The following TRPC1 variants were observed in gnomAD, a reference collection of about 807,000 sequenced individuals.
TRPC1 encodes short transient receptor potential channel 1.
TRPC1 carries 42 observed loss-of-function variants against 88.2 expected under a neutral mutation model. The ratio of observed to expected loss-of-function variants is 0.48; its 90% CI spans 0.37 to 0.62. The LOEUF is 0.62. TRPC1 is among the 20% of genes least tolerant of loss of function. TRPC1 has a pLI of 0.00. For synonymous variants in TRPC1, 288 were observed against 331.8 expected (o/e 0.87, Z 1.43); for missense variants, 699 against 957.3 (o/e 0.73, Z 3.56).
chr3:142,758,346 T>C (rs1284785301), intron 4 of TRPC1, among the ~76,000 whole-genome samples: 1 of 152,252 alleles, frequency 6.6e-6, no homozygotes, highest in Non-Finnish European at 1.5e-5. Flanking sequence ...AGTGCGATGA[T>C]ACTGCATTGT....
In TRPC1 at chr3:142,724,621, C is replaced by T. The variant is rs771383615; in HGVS notation, c.62C>T (p.Ser21Phe). 2.5e-6 allele frequency: 4 copies of T among 1,612,024 alleles called. No homozygotes were observed. In the Admixed American group the frequency reaches 6.7e-5, roughly 27 times the overall value. ...LSGASSSSLP[S>F]SPSSSSPNEV... The stretch of plus-strand genomic sequence containing the variant: ...GGCGCCTCCTCCTCCTCCCTGCCTT[C>T]CTCTCCATCCTCTTCCTCGCCGAAC... The change falls in exon 1 of 13, where the codon TCC becomes TTC. Residue 21 changes from serine (S) to phenylalanine (F), a missense_variant. Around this residue, in one of 4 missense-constraint regions of TRPC1, gnomAD observed 157 missense variants for 127.0 expected, o/e 1.24. Coordinates refer to ENST00000476941, the MANE Select transcript of TRPC1 (RefSeq NM_001251845.2). The surrounding 1 kb of genome is among the most constrained non-coding windows in gnomAD (Gnocchi z 5.6).
intron 4 of TRPC1, among the ~76,000 whole-genome samples, chr3:142,754,292 AAAG>A (rs1222821298): frequency 1.3e-5 from 2 of 152,080 alleles, no homozygotes; most frequent in African/African-American, 2.4e-5. Flanking sequence ...AAATAACTTT[AAAG>A]AAGGAGTCTT....
At chr3:142,804,814 G>T (rs185181414) in intron 12 of TRPC1, among the ~76,000 whole-genome samples, 184 bp downstream of exon 12, 209 of 152,144 alleles carry the variant, frequency 1.4e-3, no homozygotes, top group African/African-American at 4.9e-3. Context: ...AAATACTATT[G>T]AGAGTGAGAG....
chr3:142,763,164 TA>T (rs1026214588), intron 4 of TRPC1, among the ~76,000 whole-genome samples: 1 of 152,162 alleles, frequency 6.6e-6, no homozygotes, highest in Non-Finnish European at 1.5e-5. Flanking sequence ...AAATGTTCTA[TA>T]AATGTCAGTT....
intron 4 of TRPC1, among the ~76,000 whole-genome samples, chr3:142,772,613 T>C (rs985591615): frequency 7.9e-5 from 12 of 152,004 alleles, no homozygotes; most frequent in Non-Finnish European, 1.5e-4. Context: ...CTGGCTAATA[T>C]GGTGAAACTA....
Position 142,805,408 on chromosome 3 carries a change from A to AT in TRPC1, c.2155-594dup, listed in dbSNP as rs1307130038. On this transcript the variant is annotated intron_variant, in intron 12 of 12. Coordinates refer to ENST00000476941, the MANE Select transcript of TRPC1 (RefSeq NM_001251845.2). ...GTTACTATAAACCAGGGGTTGGGAC[A>AT]TTTTTTCTGTAAAGGTCCAGATAGT... 8.5e-5 allele frequency among the ~76,000 whole-genome samples: 13 copies of AT among 152,190 alleles called. No homozygotes were observed. The South Asian group carries it at 2.3e-3, about 27-fold the overall frequency.
intron 4 of TRPC1, among the ~76,000 whole-genome samples, chr3:142,760,063 T>C (rs1935128929): frequency 6.6e-6 from 1 of 152,106 alleles, no homozygotes; most frequent in Non-Finnish European, 1.5e-5. Flanking sequence ...CCTGACCTCA[T>C]GATCCACCCA....
In TRPC1 at chr3:142,784,797, A is replaced by T; in HGVS notation, c.1054A>T (p.Met352Leu). ...YRRKPTCKKI[M>L]TVLTVGIFWP... ...ACGCAAGCCCACCTGTAAGAAGATA[A>T]TGACTGTTTTGACAGTAGGCATCTT... Residue 352 changes from methionine (M) to leucine (L), a missense_variant, in exon 7 of 13, where the codon ATG becomes TTG. By Grantham distance (15) the Met-to-Leu change is conservative. Transcript: ENST00000476941. 1.2e-6 allele frequency: 2 copies of T among 1,614,186 alleles called. No homozygotes were observed. Among genetic ancestry groups the T allele is most frequent in the Non-Finnish European group, 1.7e-6 (2 of 1,180,016 alleles).
intron 1 of TRPC1, among the ~76,000 whole-genome samples, chr3:142,726,308 G>GC (rs543744876): frequency 4.1e-4 from 62 of 152,302 alleles, no homozygotes; most frequent in African/African-American, 1.5e-3. Context: ...ATATGGTTGA[G>GC]CAAGTATTTG....
chr3:142,729,575 A>G (rs1933815266), intron 1 of TRPC1, among the ~76,000 whole-genome samples: 1 of 152,130 alleles, frequency 6.6e-6, no homozygotes, highest in Non-Finnish European at 1.5e-5. Context: ...AAAAAAATGT[A>G]ACCCAAGCCA....
intron 4 of TRPC1, among the ~76,000 whole-genome samples, chr3:142,752,361 G>A (rs1452873115): frequency 6.6e-6 from 1 of 152,282 alleles, no homozygotes; most frequent in Non-Finnish European, 1.5e-5. Context: ...TACTATGCCT[G>A]GACGTGCACG....
chr3:142,789,190 G>T (rs1381883440), intron 7 of TRPC1, among the ~76,000 whole-genome samples: 1 of 152,158 alleles, frequency 6.6e-6, no homozygotes, highest in African/African-American at 2.4e-5. Flanking sequence ...ATAATTTTGA[G>T]TCTTCAAGAA....
At chr3:142,781,109 T>C (rs1935944807) in intron 6 of TRPC1, 80 bp downstream of exon 6, 2 of 1,183,618 alleles carry the variant, frequency 1.7e-6, no homozygotes, top group Non-Finnish European at 1.1e-6. Context: ...TTGGAGTAAC[T>C]CATCTGGGTT....
intron 9 of TRPC1, among the ~76,000 whole-genome samples, chr3:142,800,902 GAGACTGT>G (rs747196535): frequency 4.7e-5 from 7 of 148,970 alleles, no homozygotes; most frequent in Non-Finnish European, 1.0e-4. Flanking sequence ...CTGGGAGATA[GAGACTGT>G]CTTAAAAAGA....
At chr3:142,748,140 T>G in intron 3 of TRPC1, 118 bp from the exon 4 acceptor site, 1 of 957,682 alleles carries the variant, frequency 1.0e-6, no homozygotes, top group South Asian at 1.8e-5. Context: ...TTTAACATAT[T>G]CCTTAAATAA....
chr3:142,797,023 T>C (rs547799442), intron 9 of TRPC1, among the ~76,000 whole-genome samples: 57 of 152,174 alleles, frequency 3.7e-4, no homozygotes, highest in African/African-American at 1.3e-3. Flanking sequence ...CCTCTTTTTT[T>C]CTTCCCCTTC....
At chr3:142,760,215 T>C (rs1366098297) in intron 4 of TRPC1, among the ~76,000 whole-genome samples, 2 of 152,206 alleles carry the variant, frequency 1.3e-5, no homozygotes, top group African/African-American at 4.8e-5. Context: ...TTTGAGGTTG[T>C]ATATTTAAGT....
intron 4 of TRPC1, among the ~76,000 whole-genome samples, chr3:142,757,873 A>G (rs1935033932): frequency 6.6e-6 from 1 of 152,174 alleles, no homozygotes; most frequent in Non-Finnish European, 1.5e-5. Flanking sequence ...GGTACATGGG[A>G]TATTTTGATA....
At chr3:142,790,404 A>G (rs910741458) in intron 7 of TRPC1, among the ~76,000 whole-genome samples, 1 of 152,184 alleles carries the variant, frequency 6.6e-6, no homozygotes, top group Non-Finnish European at 1.5e-5. Context: ...AATGAGCAGC[A>G]GTGGTTTTGC....
Sources: gnomAD v4.1 joint callset for allele counts (sites outside exome capture counted in the v4.1 genomes callset) on GRCh38, gnomAD v4.1.1 for gene constraint, gnomAD v4.1.1 regional missense constraint, Gnocchi (gnomAD v3.1) non-coding constraint, MANE v1.5 for transcripts, NCBI Gene and HGNC (gene_info 2026-07-23, HGNC 2026-07-21) for gene names.